Variants in HECW2 observed in about 807,000 individuals in gnomAD.
The protein encoded by HECW2 is HECT, C2 and WW domain containing E3 ubiquitin protein ligase 2, also known as E3 ubiquitin-protein ligase HECW2.
A neutral mutation model predicts 175.2 loss-of-function variants in HECW2; 61 were observed. That is an observed-to-expected ratio of 0.35 (90% CI 0.28 to 0.43). The LOEUF (loss-of-function observed/expected upper bound fraction) is 0.43, where lower values mean the gene tolerates loss of function less well. Among genes scored for constraint, HECW2 ranks in the 20% least tolerant of loss-of-function variants. The pLI is 1.00. For missense variants in HECW2, 1,524 were observed against 2,000.5 expected, an observed-to-expected ratio of 0.76 and a Z score of 4.54; for synonymous variants, 671 against 731.0, an observed-to-expected ratio of 0.92 and a Z score of 1.32.
At chr2:196,383,750 A>G (rs1694271522) in intron 2 of HECW2, among the ~76,000 whole-genome samples, 1 of 152,224 alleles carries the variant, frequency 6.6e-6, no homozygotes, top group Non-Finnish European at 1.5e-5. Context: ...ATAAAATGGA[A>G]GGTGAACATT....
At chr2:196,348,540 C>A (rs532992644) in intron 2 of HECW2, among the ~76,000 whole-genome samples, 112 of 152,158 alleles carry the variant, frequency 7.4e-4, no homozygotes, top group African/African-American at 2.4e-3. Flanking sequence ...CCTAGTTACT[C>A]AGAAGGCTGA....
chr2:196,563,774 A>C (rs542754476), intron 1 of HECW2, among the ~76,000 whole-genome samples: 201 of 152,328 alleles, frequency 1.3e-3, no homozygotes, highest in African/African-American at 4.6e-3. Flanking sequence ...ATCCATATTA[A>C]GGGGGAGTGG....
At chr2:196,312,576 T>C (rs1691538908) in intron 10 of HECW2, among the ~76,000 whole-genome samples, 1 of 152,178 alleles carries the variant, frequency 6.6e-6, no homozygotes, top group African/African-American at 2.4e-5. Context: ...GGTAGGTCCA[T>C]TTCCCCATAC....
At chr2:196,482,824 A>T (rs112016433) in intron 1 of HECW2, among the ~76,000 whole-genome samples, 2,523 of 152,262 alleles carry the variant, frequency 0.017, 38 homozygotes, top group Middle Eastern at 0.044. Context: ...CTGAGCCCCA[A>T]ATGCAGAGCC....
chr2:196,314,052 G>T (rs1334802241), intron 10 of HECW2, among the ~76,000 whole-genome samples: 1 of 152,202 alleles, frequency 6.6e-6, no homozygotes, highest in East Asian at 1.9e-4. Flanking sequence ...AAACTACACT[G>T]CTTCAGTAGC....
chr2:196,368,210 T>C (rs13400141), intron 2 of HECW2, among the ~76,000 whole-genome samples: 3,097 of 152,266 alleles, frequency 0.02, 111 homozygotes, highest in African/African-American at 0.07. Context: ...TTTTCCATAG[T>C]GGTTGTACTA....
intron 18 of HECW2, among the ~76,000 whole-genome samples, chr2:196,257,121 C>T (rs552471700): frequency 1.1e-4 from 17 of 152,214 alleles, no homozygotes; most frequent in African/African-American, 2.4e-4. Flanking sequence ...CAGGGATGAG[C>T]GTCCCAACCA....
chr2:196,436,323 C>T (rs1168804892), intron 1 of HECW2, among the ~76,000 whole-genome samples: 1 of 149,994 alleles, frequency 6.7e-6, no homozygotes, highest in East Asian at 2.0e-4. Flanking sequence ...ATGGCATGAA[C>T]CCAGGAGGCG....
In HECW2 at chr2:196,467,071, T is replaced by C. The variant is rs374014165; in HGVS notation, c.-35-33613A>G. On this transcript the variant is annotated intron_variant, in intron 1 of 28. Transcript: ENST00000644978. ...AGGGATTACCACAAGTACCAGTTGA[T>C]GTCAGCTTTAACTCCTAAAGCTGTT... 1.2e-4 allele frequency among the ~76,000 whole-genome samples: 18 copies of C among 152,330 alleles called. 1 individual carries two copies. In the East Asian group the frequency reaches 3.5e-3, roughly 29 times the overall value.
intron 1 of HECW2, 76 bp from the exon 2 acceptor site, chr2:196,433,534 C>G (rs1473448118): frequency 1.9e-6 from 2 of 1,079,322 alleles, no homozygotes; most frequent in Admixed American, 2.8e-5. Context: ...AGACATAAAG[C>G]CTTAAAGGGT....
At chr2:196,230,473 C>T (rs1244220477) in intron 21 of HECW2, among the ~76,000 whole-genome samples, 1 of 152,194 alleles carries the variant, frequency 6.6e-6, no homozygotes, top group Non-Finnish European at 1.5e-5. Context: ...CAGTTTCCAT[C>T]TCCTGGTCCC....
chr2:196,201,960 AT>A (rs1686873586), intron 28 of HECW2, among the ~76,000 whole-genome samples: 1 of 152,190 alleles, frequency 6.6e-6, no homozygotes. Context: ...CTGTGCTAAA[AT>A]TTGCTTTCTC....
At chr2:196,359,893 A>C (rs545175977) in intron 2 of HECW2, among the ~76,000 whole-genome samples, 2 of 152,148 alleles carry the variant, frequency 1.3e-5, no homozygotes, top group Non-Finnish European at 2.9e-5. Flanking sequence ...GCTTGACGCT[A>C]TGAGTTAGAG....
At chr2:196,289,145 A>G (rs1690505414) in intron 14 of HECW2, 1 of 152,218 alleles carries the variant, frequency 6.6e-6, no homozygotes, top group Non-Finnish European at 1.5e-5. Flanking sequence ...ATGACTAAAT[A>G]AGTGAAAACA....
At chr2:196,312,428 T>C (rs1334022162) in intron 10 of HECW2, among the ~76,000 whole-genome samples, 3 of 152,102 alleles carry the variant, frequency 2.0e-5, no homozygotes, top group Admixed American at 6.5e-5. Context: ...TCAAGGAAAA[T>C]TATAAGCTTT....
chr2:196,545,482 A>T (rs1308432959), intron 1 of HECW2, among the ~76,000 whole-genome samples: 1 of 152,216 alleles, frequency 6.6e-6, no homozygotes, highest in African/African-American at 2.4e-5. Flanking sequence ...TGATTAATAG[A>T]TGAGAGTTTT....
chr2:196,262,377 A>T (rs991495206), intron 17 of HECW2, among the ~76,000 whole-genome samples: 1 of 152,096 alleles, frequency 6.6e-6, no homozygotes, highest in Non-Finnish European at 1.5e-5. Flanking sequence ...GTGGTAATAT[A>T]ATGAAGATTA....
chr2:196,378,073 T>G (rs1488923204), intron 2 of HECW2, among the ~76,000 whole-genome samples: 1 of 152,320 alleles, frequency 6.6e-6, no homozygotes, highest in East Asian at 1.9e-4. Context: ...GTCTCCTCTT[T>G]GGCCTTTCCT....
At chr2:196,521,636 C>A (rs1228329070) in intron 1 of HECW2, among the ~76,000 whole-genome samples, 1 of 125,538 alleles carries the variant, frequency 8.0e-6, no homozygotes, top group Non-Finnish European at 1.7e-5. Context: ...TCCCCCCTCC[C>A]CCCACCCCAC....
Sources: allele counts gnomAD v4.1 joint callset (sites outside exome capture counted in the v4.1 genomes callset), GRCh38; gene constraint gnomAD v4.1.1; transcripts MANE v1.5; gene names NCBI Gene and HGNC (gene_info 2026-07-23, HGNC 2026-07-21).